Variants in KLHL7 observed in about 807,000 individuals in gnomAD.
The protein encoded by KLHL7 is kelch like family member 7.
A neutral mutation model predicts 67.4 loss-of-function variants in KLHL7; 44 were observed. That is an observed-to-expected ratio of 0.65 (90% CI 0.51 to 0.84). The LOEUF (loss-of-function observed/expected upper bound fraction) is 0.84, where lower values mean the gene tolerates loss of function less well. Among genes scored for constraint, KLHL7 ranks in the 40% least tolerant of loss-of-function variants. KLHL7 has a pLI of 0.00. For synonymous variants in KLHL7, 252 were observed against 243.3 expected, an observed-to-expected ratio of 1.04 and a Z score of -0.33; for missense variants, 362 against 718.1, an observed-to-expected ratio of 0.50 and a Z score of 5.67.
intron 1 of KLHL7, among the ~76,000 whole-genome samples, chr7:23,117,001 A>G (rs556625281): frequency 5.4e-5 from 8 of 148,322 alleles, no homozygotes; most frequent in East Asian, 4.0e-4. Flanking sequence ...TAGTTGTCCT[A>G]TTCTTTAAGA....
chr7:23,177,767 A>G lies in KLHL7; in HGVS notation c.*3469A>G, dbSNP rs1052996350. 2.6e-5 allele frequency: 4 copies of G among 152,210 alleles called. No individual in the cohort carries two copies. The highest frequency in any genetic ancestry group is 9.7e-5 in the African/African-American group (4 of 41,444). The allele number at this position is 152,210 out of a possible 1,614,324, so 9.4% of individuals were successfully genotyped here. On this transcript the variant is annotated 3_prime_UTR_variant, in exon 11 of 11. Coordinates refer to ENST00000339077, the MANE Select transcript of KLHL7 (RefSeq NM_001031710.3). Reference sequence around the variant, plus strand: ...AATTGTTGCTATTTGAAAAAAACAAAACAAAACATATACTTGTGACTTTGT... The same window carrying G: ...AATTGTTGCTATTTGAAAAAAACAAGACAAAACATATACTTGTGACTTTGT...
chr7:23,111,165 T>A (rs1314612475), intron 1 of KLHL7, among the ~76,000 whole-genome samples: 1 of 152,106 alleles, frequency 6.6e-6, no homozygotes, highest in African/African-American at 2.4e-5. Flanking sequence ...AATTTGACCA[T>A]CAGGAAGTTT....
At chr7:23,139,088 T>TAA (rs60821313) in intron 4 of KLHL7, among the ~76,000 whole-genome samples, 44,004 of 129,504 alleles carry the variant, frequency 0.34, 7,103 homozygotes, top group Middle Eastern at 0.43. Flanking sequence ...TTATTAATGC[T>TAA]AAAAAAAAAA....
intron 1 of KLHL7, among the ~76,000 whole-genome samples, chr7:23,117,472 TTC>T (rs1422849159): frequency 6.6e-6 from 1 of 152,176 alleles, no homozygotes; most frequent in Non-Finnish European, 1.5e-5. Flanking sequence ...TAGCTTTTTT[TTC>T]TTAGTCCCAG....
chr7:23,128,448 AAAAG>A lies in KLHL7; in HGVS notation c.442+3279_442+3282del, dbSNP rs998883065. On this transcript the variant is annotated intron_variant, in intron 4 of 10. Transcript: ENST00000339077. ...AAAAAAAAAAAAAAAAAAAAAAAAA[AAAAG>A]AACTTTAACTTTCGGACTAAGTTAT... 8.0e-5 allele frequency among the ~76,000 whole-genome samples: 10 copies of A among 125,362 alleles called. No homozygotes were observed. The East Asian group carries it at 8.7e-4, about 11-fold the overall frequency. The allele number at this position is 125,362 out of a possible 152,430, so 82.2% of individuals were successfully genotyped here.
Position 23,139,904 on chromosome 7 carries a change from CT to C in KLHL7, c.443-852del, listed in dbSNP as rs74942994. ...CTTCACTTCTCCCTTTTCTCCTCCT[CT>C]TTTTTTTTTTTTCCTTAACCTTTCA... On this transcript the variant is annotated intron_variant, in intron 4 of 10. Transcript: ENST00000339077. Among the ~76,000 whole-genome samples, 1,285 of 143,670 alleles carry C rather than the reference CT, an allele frequency of 8.9e-3. 10 individuals carry two copies. The highest frequency in any genetic ancestry group is 0.029 in the African/African-American group (1,141 of 39,508). The allele number at this position is 143,670 out of a possible 152,430, so 94.3% of individuals were successfully genotyped here.
At chr7:23,169,571 TAAAAG>T (rs1272465141) in intron 9 of KLHL7, among the ~76,000 whole-genome samples, 2 of 152,146 alleles carry the variant, frequency 1.3e-5, no homozygotes, top group Non-Finnish European at 2.9e-5. Context: ...AAAAATCTCT[TAAAAG>T]AGAAGCCATA....
intron 6 of KLHL7, among the ~76,000 whole-genome samples, chr7:23,144,537 T>C (rs1784294367): frequency 6.6e-6 from 1 of 152,330 alleles, no homozygotes; most frequent in Admixed American, 6.5e-5. Flanking sequence ...ATATGCCTTG[T>C]AGAACCTTTC....
chr7:23,139,123 G>A (rs1017214814), intron 4 of KLHL7, among the ~76,000 whole-genome samples: 4 of 150,744 alleles, frequency 2.7e-5, no homozygotes, highest in African/African-American at 9.8e-5. Flanking sequence ...CCCCTCGTGT[G>A]GAATGGGGAT....
chr7:23,158,873 G>A (rs1784780401), intron 7 of KLHL7, among the ~76,000 whole-genome samples: 1 of 152,144 alleles, frequency 6.6e-6, no homozygotes, highest in Non-Finnish European at 1.5e-5. Context: ...GAGCTCCCTG[G>A]GTCAGATATG....
rs543847022 is a variant in KLHL7, at chr7:23,144,121, A to T, written c.793+96A>T. On this transcript the variant is annotated intron_variant, in intron 6 of 10. Transcript: ENST00000339077. ...AATGGATTAGACTCAGTAGCCAGGG[A>T]GAAACATTCAAGATTTTGCTCTTCT... 12 of 1,049,816 alleles carry T rather than the reference A, an allele frequency of 1.1e-5. No homozygotes were observed. In the African/African-American group the frequency reaches 1.6e-4, roughly 14 times the overall value. 65.0% of individuals were successfully genotyped at this position (1,049,816 alleles called of 1,614,324 possible). A position where few individuals can be genotyped will look rare whatever the true frequency, so the allele number is the denominator to read the frequency against.
chr7:23,119,309 A>G (rs1364752109), intron 1 of KLHL7, among the ~76,000 whole-genome samples: 1 of 152,054 alleles, frequency 6.6e-6, no homozygotes, highest in Non-Finnish European at 1.5e-5. Flanking sequence ...GGTTCAAGCG[A>G]TTCTCATGCC....
At chr7:23,132,942 A>G (rs1016117382) in intron 4 of KLHL7, among the ~76,000 whole-genome samples, 1 of 152,212 alleles carries the variant, frequency 6.6e-6, no homozygotes, top group African/African-American at 2.4e-5. Flanking sequence ...GTTGAAAATG[A>G]GTTCACTGTA....
intron 4 of KLHL7, chr7:23,129,991 T>A (rs1235529361): frequency 2.0e-5 from 3 of 152,222 alleles, no homozygotes; most frequent in Non-Finnish European, 4.4e-5. Context: ...ATTATATTAT[T>A]TCTACAGATT....
At chr7:23,168,147 G>A in intron 9 of KLHL7, 110 bp downstream of exon 9, 2 of 1,014,080 alleles carry the variant, frequency 2.0e-6, no homozygotes, top group East Asian at 2.6e-5. Context: ...CTTGAGTGAA[G>A]AGTGTATATA....
intron 10 of KLHL7, among the ~76,000 whole-genome samples, chr7:23,173,720 T>A (rs1785228017): frequency 6.6e-6 from 1 of 152,158 alleles, no homozygotes; most frequent in Non-Finnish European, 1.5e-5. Context: ...TCAAAGTTAA[T>A]CAGAGGGGAA....
Position 23,167,820 on chromosome 7 carries a change from C to A in KLHL7, c.1178-16C>A, listed in dbSNP as rs776950686. ...CACACTAAAGTTAAGCATGATGGGG[C>A]CTTTTTCTTTTACAGGAAACTCAGC... On this transcript the variant is annotated splice_polypyrimidine_tract_variant and intron_variant, in intron 8 of 10. Coordinates refer to ENST00000339077, the MANE Select transcript of KLHL7 (RefSeq NM_001031710.3). 6.2e-7 allele frequency: 1 copy of A among 1,612,358 alleles called. No individual in the cohort carries two copies. The highest frequency in any genetic ancestry group is 1.7e-5 in the Admixed American group (1 of 60,004).
intron 7 of KLHL7, among the ~76,000 whole-genome samples, chr7:23,158,445 C>A (rs1181884550): frequency 6.6e-6 from 1 of 152,016 alleles, no homozygotes; most frequent in East Asian, 1.9e-4. Flanking sequence ...TATGTTGACC[C>A]AGAGGTGCAT....
In KLHL7 at chr7:23,174,935, A is replaced by G; in HGVS notation, c.*637A>G. ...TATTCAATCCACTTAAATATATTCCATCTTTTTAACATAAAATGTAAAGCT... is the reference window on the plus strand; with the variant it reads ...TATTCAATCCACTTAAATATATTCCGTCTTTTTAACATAAAATGTAAAGCT... On this transcript the variant is annotated 3_prime_UTR_variant, in exon 11 of 11. Coordinates refer to ENST00000339077, the MANE Select transcript of KLHL7 (RefSeq NM_001031710.3). 1 of 453,904 alleles carries G rather than the reference A, an allele frequency of 2.2e-6. No homozygotes were observed. Among genetic ancestry groups the G allele is most frequent in the Non-Finnish European group, 4.4e-6 (1 of 226,538 alleles). The allele number at this position is 453,904 out of a possible 1,614,324, so 28.1% of individuals were successfully genotyped here.
Sources: gnomAD v4.1 joint callset for allele counts (sites outside exome capture counted in the v4.1 genomes callset) on GRCh38, gnomAD v4.1.1 for gene constraint, MANE v1.5 for transcripts, NCBI Gene and HGNC (gene_info 2026-07-23, HGNC 2026-07-21) for gene names.